The following RARB variants were observed in gnomAD, a reference collection of about 807,000 sequenced individuals.
The protein encoded by RARB is HBV-activated protein.
RARB carries 17 observed loss-of-function variants against 51.9 expected under a neutral mutation model. That is an observed-to-expected ratio of 0.33 (90% CI 0.22 to 0.49). The LOEUF is 0.49. Among genes scored for constraint, RARB ranks in the 20% least tolerant of loss-of-function variants. The pLI is 0.99. For synonymous variants in RARB, 215 were observed against 195.4 expected (o/e 1.10, Z -0.84); for missense variants, 369 against 550.8 (o/e 0.67, Z 3.30).
chr3:25,575,053 C>A (rs944544900), intron 4 of RARB, among the ~76,000 whole-genome samples: 2 of 152,176 alleles, frequency 1.3e-5, no homozygotes, highest in Non-Finnish European at 2.9e-5. Flanking sequence ...GGTCCCCAAC[C>A]TTCTTGGCAC....
chr3:24,831,885 A>G (rs927499902), intron 1 of RARB, among the ~76,000 whole-genome samples: 2 of 152,202 alleles, frequency 1.3e-5, no homozygotes, highest in Non-Finnish European at 2.9e-5. Flanking sequence ...TGTGTGATGA[A>G]GCAGTTTTGT....
chr3:25,456,554 A>ATTTTT lies in RARB; in HGVS notation c.158-4618_158-4614dup, dbSNP rs35056259. On this transcript the variant is annotated intron_variant, in intron 1 of 7. Transcript: ENST00000330688. ...GGTGATCTGACAGACTATACCACTGATTTTTTTTTTTTTTTTTTTTTTTTT... is the reference window on the plus strand; with the variant it reads ...GGTGATCTGACAGACTATACCACTGATTTTTTTTTTTTTTTTTTTTTTTTTTTTTT... Among the ~76,000 whole-genome samples the ATTTTT allele has an allele frequency of 8.8e-3, 387 of 44,114 alleles. 65 individuals are homozygous for ATTTTT. The highest frequency in any genetic ancestry group is 0.026 in the Admixed American group (87 of 3,332). The allele number at this position is 44,114 out of a possible 152,430, so 28.9% of individuals were successfully genotyped here.
rs551035497 is a variant in RARB at position 25,361,918 on chromosome 3, C to A, written c.179-99275C>A. Among the ~76,000 whole-genome samples, 7 of 152,300 alleles carry A rather than the reference C, an allele frequency of 4.6e-5. No individual in the cohort carries two copies. In the South Asian group the frequency reaches 1.4e-3, roughly 32 times the overall value. ...GTGTCCTGTTTGAGGTATCTGTCGA[C>A]CCCTGCTGGGAGGTGTCTCCCTTTC... On this transcript the variant is annotated intron_variant, in intron 5 of 11. Transcript: ENST00000383772.
intron 5 of RARB, among the ~76,000 whole-genome samples, chr3:25,410,012 A>G (rs1297556910): frequency 3.9e-5 from 6 of 152,170 alleles, no homozygotes; most frequent in Non-Finnish European, 1.5e-5. Flanking sequence ...CAATTTTTTC[A>G]TGTCTTAGCA....
intron 5 of RARB, among the ~76,000 whole-genome samples, chr3:25,421,408 T>C (rs9815284): frequency 0.011 from 1,476 of 131,040 alleles, 16 homozygotes; most frequent in African/African-American, 0.042. Flanking sequence ...CTTTTCTTTT[T>C]TTTTTTTTTT....
At chr3:24,904,804 C>T (rs943626736) in intron 2 of RARB, among the ~76,000 whole-genome samples, 3 of 152,308 alleles carry the variant, frequency 2.0e-5, no homozygotes, top group East Asian at 3.9e-4. Flanking sequence ...AAGTGTGGCA[C>T]ATATACACCA....
rs140019366 is a variant in RARB, at chr3:24,876,489, G to A, written c.-380+17737G>A. Reference sequence around the variant, plus strand: ...TAATGGCTTGAAAAAGAATCAGGTAGCTCAGTCCTATGAAGCATAAACAAC... The same window carrying A: ...TAATGGCTTGAAAAAGAATCAGGTAACTCAGTCCTATGAAGCATAAACAAC... On this transcript the variant is annotated intron_variant, in intron 2 of 11. Transcript: ENST00000383772. Among the ~76,000 whole-genome samples the A allele has an allele frequency of 8.6e-3, 1,306 of 152,154 alleles. 20 individuals are homozygous for A. Among genetic ancestry groups the A allele is most frequent in the South Asian group, 0.072 (348 of 4,820 alleles).
intron 3 of RARB, among the ~76,000 whole-genome samples, chr3:25,072,722 T>A (rs1698793457): frequency 6.6e-6 from 1 of 151,950 alleles, no homozygotes; most frequent in Admixed American, 6.5e-5. Flanking sequence ...ATTTATTTTT[T>A]TTTTGAGATA....
intron 3 of RARB, among the ~76,000 whole-genome samples, chr3:25,120,861 C>A (rs1389923059): frequency 2.6e-5 from 4 of 152,096 alleles, no homozygotes; most frequent in Non-Finnish European, 5.9e-5. Flanking sequence ...TGCAAATAAG[C>A]CACACCCGTC....
intron 4 of RARB, among the ~76,000 whole-genome samples, chr3:25,173,318 A>G (rs1700678205): frequency 1.3e-5 from 2 of 152,206 alleles, no homozygotes; most frequent in African/African-American, 2.4e-5. Context: ...AAATCACATT[A>G]GTGTTCTTTG....
chr3:25,421,086 T>A (rs564489125), intron 5 of RARB, among the ~76,000 whole-genome samples: 1 of 151,984 alleles, frequency 6.6e-6, no homozygotes, highest in Non-Finnish European at 1.5e-5. Context: ...AATTATTTCA[T>A]GGTCATTCTG....
At chr3:25,502,004 A>C (rs1697340494) in intron 3 of RARB, among the ~76,000 whole-genome samples, 1 of 152,210 alleles carries the variant, frequency 6.6e-6, no homozygotes, top group Non-Finnish European at 1.5e-5. Flanking sequence ...TCTCTATTTG[A>C]TGTGTACAAA....
chr3:25,535,544 A>G (rs570807761), intron 3 of RARB, among the ~76,000 whole-genome samples: 1 of 151,938 alleles, frequency 6.6e-6, no homozygotes, highest in South Asian at 2.1e-4. Flanking sequence ...ATTTCTCCTA[A>G]TGCTATCCAT....
In RARB at chr3:25,594,632, A is replaced by G. The variant is rs1046383946; in HGVS notation, c.1104A>G (p.Pro368=). ...KRRPSKPHMF[P]KILMKITDLR... is the part of the protein sequence containing the mutation. Reference sequence around the variant, plus strand: ...GACCCAGCAAGCCTCACATGTTTCCAAAGATCTTAATGAAAATCACAGATC... The same window carrying G: ...GACCCAGCAAGCCTCACATGTTTCCGAAGATCTTAATGAAAATCACAGATC... The change falls in exon 7 of 8, where the codon CCA becomes CCG. Residue 368 remains proline, a synonymous_variant. Coordinates refer to ENST00000330688, the MANE Select transcript of RARB (RefSeq NM_000965.5). The G allele has an allele frequency of 4.3e-6, 7 of 1,613,578 alleles. No homozygotes were observed. The highest frequency in any genetic ancestry group is 5.1e-6 in the Non-Finnish European group (6 of 1,179,786).
intron 5 of RARB, among the ~76,000 whole-genome samples, chr3:25,267,479 A>T (rs1008386906): frequency 6.6e-6 from 1 of 151,942 alleles, no homozygotes; most frequent in African/African-American, 2.4e-5. Flanking sequence ...GTCTTTTCTG[A>T]GTTTAAATTG....
chr3:25,113,533 A>C (rs1699637469), intron 3 of RARB, among the ~76,000 whole-genome samples: 1 of 152,166 alleles, frequency 6.6e-6, no homozygotes, highest in Non-Finnish European at 1.5e-5. Context: ...AAAGAGAAAA[A>C]TTGTAATTCC....
At position 25,123,754 on chromosome 3, in the gene RARB, G is replaced by C. The variant is rs1054900473; in HGVS notation, c.-327-8407G>C. On this transcript the variant is annotated intron_variant, in intron 3 of 11. Coordinates refer to the RARB transcript ENST00000383772. ...CTATTTTTACCCTCTTCTAGTCATAGGCTTAGCGTTTGAAAATCTATCTTT... is the reference window on the plus strand; with the variant it reads ...CTATTTTTACCCTCTTCTAGTCATACGCTTAGCGTTTGAAAATCTATCTTT... Among the ~76,000 whole-genome samples, 4 of 152,254 alleles carry C rather than the reference G, an allele frequency of 2.6e-5. No homozygotes were observed. In the East Asian group the frequency reaches 7.7e-4, roughly 29 times the overall value.
At chr3:25,317,696 A>G (rs75549616) in intron 5 of RARB, among the ~76,000 whole-genome samples, 3,639 of 152,316 alleles carry the variant, frequency 0.024, 125 homozygotes, top group African/African-American at 0.079. Context: ...GGAGTAGGCT[A>G]ATATTATCTA....
chr3:25,473,462 C>T (rs776109384), intron 2 of RARB, among the ~76,000 whole-genome samples: 1 of 152,166 alleles, frequency 6.6e-6, no homozygotes, highest in Non-Finnish European at 1.5e-5. Flanking sequence ...CATTCCTTTG[C>T]TAGCAGCGTC....
Sources: allele counts gnomAD v4.1 joint callset (sites outside exome capture counted in the v4.1 genomes callset), GRCh38; gene constraint gnomAD v4.1.1; transcripts MANE v1.5; gene names NCBI Gene and HGNC (gene_info 2026-07-23, HGNC 2026-07-21).